The following VAMP8 variants were observed in gnomAD, a reference collection of about 807,000 sequenced individuals.
VAMP8 encodes vesicle-associated membrane protein 8.
In VAMP8, 9 loss-of-function variants were observed where a neutral mutation model predicts 11.4. The observed-to-expected ratio is 0.79, with a 90% CI of 0.48 to 1.38. The LOEUF (loss-of-function observed/expected upper bound fraction) is 1.38. Ranked by LOEUF, VAMP8 falls within the 40% of genes most tolerant of loss-of-function variation. The pLI is 0.00. For synonymous variants in VAMP8, 42 were observed against 44.7 expected, an observed-to-expected ratio of 0.94 and a Z score of 0.24; for missense variants, 108 against 127.8, an observed-to-expected ratio of 0.85 and a Z score of 0.75.
intron 2 of VAMP8, among the ~76,000 whole-genome samples, chr2:85,580,659 ATT>A (rs372301674): frequency 2.5e-4 from 26 of 104,594 alleles, no homozygotes; most frequent in African/African-American, 9.7e-4. Flanking sequence ...CAGATACAGC[ATT>A]TTTTTTTTTT....
At chr2:85,578,399 G>A (rs920038812) in intron 1 of VAMP8, among the ~76,000 whole-genome samples, 4 of 152,162 alleles carry the variant, frequency 2.6e-5, no homozygotes, top group Non-Finnish European at 5.9e-5. Flanking sequence ...TGCACGTGTC[G>A]CCCAGTGGTG....
intron 2 of VAMP8, among the ~76,000 whole-genome samples, chr2:85,580,557 C>G (rs1167528157): frequency 6.6e-6 from 1 of 151,600 alleles, no homozygotes; most frequent in Non-Finnish European, 1.5e-5. Flanking sequence ...GACCCCTAGT[C>G]ATATCTAGGT....
At chr2:85,578,393 C>T (rs1379316929) in intron 1 of VAMP8, among the ~76,000 whole-genome samples, 3 of 152,152 alleles carry the variant, frequency 2.0e-5, no homozygotes, top group African/African-American at 4.8e-5. Flanking sequence ...GGTGCCTGCA[C>T]GTGTCGCCCA....
intron 2 of VAMP8, chr2:85,579,607 C>A (rs1672335601): frequency 7.2e-7 from 1 of 1,384,986 alleles, no homozygotes; most frequent in Non-Finnish European, 9.5e-7. Context: ...AAATTGCTGG[C>A]GTCTTGCTGA....
At chr2:85,580,527 A>G (rs1034045967) in intron 2 of VAMP8, among the ~76,000 whole-genome samples, 1 of 152,038 alleles carries the variant, frequency 6.6e-6, no homozygotes, top group Non-Finnish European at 1.5e-5. Context: ...CTCAGTGTGC[A>G]GGGGTAAGAA....
intron 2 of VAMP8, among the ~76,000 whole-genome samples, chr2:85,580,641 A>G (rs1672360365): frequency 6.6e-6 from 1 of 151,128 alleles, no homozygotes; most frequent in African/African-American, 2.4e-5. Flanking sequence ...TACATTTGTC[A>G]AGGTAGGCAG....
rs933304828 is a variant in VAMP8 at position 85,580,385 on chromosome 2, G to T, written c.163-1191G>T. Among the ~76,000 whole-genome samples, 5 of 152,226 alleles carry T rather than the reference G, an allele frequency of 3.3e-5. No individual in the cohort carries two copies. The East Asian group carries it at 9.7e-4, about 29-fold the overall frequency. On this transcript the variant is annotated intron_variant, in intron 2 of 2. Transcript: ENST00000263864. ...TCCTCCAGCCTCAGCAGTCCCGATG[G>T]GGCAAGGAGTCCTGGAGCTGCGAGA...
Position 85,581,880 on chromosome 2 carries a change from C to A in VAMP8, c.*164C>A. ...GCCATGTTGTATGCCCCAGAAGGTA[C>A]CTTGGTCCCCCGGAAGGAGAGAAAA... On this transcript the variant is annotated 3_prime_UTR_variant, in exon 3 of 3. Coordinates refer to ENST00000263864, the MANE Select transcript of VAMP8 (RefSeq NM_003761.5). 2.2e-6 allele frequency: 2 copies of A among 913,904 alleles called. No individual in the cohort carries two copies. The highest frequency in any genetic ancestry group is 3.3e-6 in the Non-Finnish European group (2 of 605,356). 56.6% of individuals were successfully genotyped at this position (913,904 alleles called of 1,614,324 possible). A position where few individuals can be genotyped will look rare whatever the true frequency, so the allele number is the denominator to read the frequency against.
At chr2:85,579,751 G>C in intron 2 of VAMP8, 2 of 1,550,772 alleles carry the variant, frequency 1.3e-6, no homozygotes, top group South Asian at 2.4e-5. Flanking sequence ...GCCAGGGGCT[G>C]AGGCCAGCTG....
intron 2 of VAMP8, chr2:85,579,870 CTTGGGTATT>C (rs1672340977): frequency 6.5e-7 from 1 of 1,550,180 alleles, no homozygotes; most frequent in Non-Finnish European, 8.7e-7. Flanking sequence ...ACTCTTGGCT[CTTGGGTATT>C]GCTCCCTTGT....
Position 85,579,050 on chromosome 2 carries a change from C to A in VAMP8, c.45C>A (p.Asn15Lys), listed in dbSNP as rs1385643902. The change falls in exon 2 of 3, where the codon AAC (asparagine) becomes AAA (lysine). Residue 15 changes from asparagine (N) to lysine (K), a missense_variant. Asn to Lys is a moderately conservative substitution (Grantham distance 94). Transcript: ENST00000263864. The part of the protein sequence containing the change: ...SEGGGNDRVR[N>K]LQSEVEGVKN... ...GTGGAGGAAATGATCGTGTGCGGAA[C>A]CTGCAAAGTGAGGTGGAGGGAGTTA... is the stretch of plus-strand genomic sequence containing the variant. 6.2e-7 allele frequency: 1 copy of A among 1,608,360 alleles called. No homozygotes were observed. Among genetic ancestry groups the A allele is most frequent in the Non-Finnish European group, 8.5e-7 (1 of 1,177,050 alleles).
At position 85,579,003 on chromosome 2, in the gene VAMP8, G is replaced by A. The variant is rs758348543; in HGVS notation, c.4-6G>A. The A allele has an allele frequency of 4.1e-5, 66 of 1,598,870 alleles. No individual in the cohort carries two copies. The East Asian group carries it at 1.0e-3, about 25-fold the overall frequency. ...TTGGTCTAATTAACCCCGTGTTGCC[G>A]CACAGGAGGAAGCCAGTGAAGGTGG... On this transcript the variant is annotated splice_polypyrimidine_tract_variant and splice_region_variant and intron_variant, in intron 1 of 2. Coordinates refer to ENST00000263864, the MANE Select transcript of VAMP8 (RefSeq NM_003761.5).
intron 2 of VAMP8, 108 bp downstream of exon 2, chr2:85,579,275 C>G: frequency 7.7e-7 from 1 of 1,301,350 alleles, no homozygotes; most frequent in East Asian, 2.5e-5. Context: ...TTTCTGTTGC[C>G]TTTCACCTGG....
Position 85,581,878 on chromosome 2 carries a change from T to C in VAMP8, c.*162T>C. 1 of 942,288 alleles carries C rather than the reference T, an allele frequency of 1.1e-6. No individual in the cohort carries two copies. The highest frequency in any genetic ancestry group is 1.6e-6 in the Non-Finnish European group (1 of 628,884). The allele number at this position is 942,288 out of a possible 1,614,324, so 58.4% of individuals were successfully genotyped here. A position where few individuals can be genotyped will look rare whatever the true frequency, so the allele number is the denominator to read the frequency against. Reference sequence around the variant, plus strand: ...CTGCCATGTTGTATGCCCCAGAAGGTACCTTGGTCCCCCGGAAGGAGAGAA... The same window carrying C: ...CTGCCATGTTGTATGCCCCAGAAGGCACCTTGGTCCCCCGGAAGGAGAGAA... On this transcript the variant is annotated 3_prime_UTR_variant, in exon 3 of 3. Coordinates refer to ENST00000263864, the MANE Select transcript of VAMP8 (RefSeq NM_003761.5).
intron 2 of VAMP8, 45 bp from the exon 3 acceptor site, chr2:85,581,531 G>A (rs1297127852): frequency 6.2e-7 from 1 of 1,610,654 alleles, no homozygotes; most frequent in Non-Finnish European, 8.5e-7. Flanking sequence ...TCTTGTTCCA[G>A]TGGGAGGAGC....
rs1180667329 is a variant in VAMP8 at position 85,579,888 on chromosome 2, G to A, written c.162+721G>A. On this transcript the variant is annotated intron_variant, in intron 2 of 2. Transcript: ENST00000263864. ...CTTGGCTCTTGGGTATTGCTCCCTT[G>A]TCTCCCTGGGGCTCATTGCCTGTTT... 17 of 1,549,848 alleles carry A rather than the reference G, an allele frequency of 1.1e-5. No homozygotes were observed. In the East Asian group the frequency reaches 3.9e-4, roughly 36 times the overall value.
rs570914795 is a variant in VAMP8, at chr2:85,581,168, C to T, written c.163-408C>T. ...TGCACTCCAGCCTGGGTGACACAGC[C>T]AGACACTGTCTCAAAAAACAAACAA... is the stretch of plus-strand genomic sequence containing the variant. On this transcript the variant is annotated intron_variant, in intron 2 of 2. Transcript: ENST00000263864. Among the ~76,000 whole-genome samples, 17 of 151,418 alleles carry T rather than the reference C, an allele frequency of 1.1e-4. No individual in the cohort carries two copies. In the East Asian group the frequency reaches 3.3e-3, roughly 30 times the overall value.
intron 2 of VAMP8, chr2:85,579,799 T>G: frequency 6.4e-7 from 1 of 1,550,728 alleles, no homozygotes; most frequent in Non-Finnish European, 8.7e-7. Flanking sequence ...GAGCAAAGTC[T>G]GGAGCCTCAA....
intron 2 of VAMP8, chr2:85,579,949 G>A: frequency 6.7e-7 from 1 of 1,487,122 alleles, no homozygotes; most frequent in Admixed American, 2.7e-5. Flanking sequence ...GGGGAGCATG[G>A]CCCCGGGAAT....
Sources: gnomAD v4.1 joint callset for allele counts (sites outside exome capture counted in the v4.1 genomes callset) on GRCh38, gnomAD v4.1.1 for gene constraint, MANE v1.5 for transcripts, NCBI Gene and HGNC (gene_info 2026-07-23, HGNC 2026-07-21) for gene names.